WDFY2: variants seen among roughly 807,000 people sequenced by gnomAD.
WDFY2 encodes WD repeat and FYVE domain containing 2.
WDFY2 carries 36 observed loss-of-function variants against 56.4 expected under a neutral mutation model. That is an observed-to-expected ratio of 0.64 (90% CI 0.49 to 0.84). The LOEUF (loss-of-function observed/expected upper bound fraction) is 0.84. WDFY2 is among the 40% of genes least tolerant of loss of function. The pLI is 0.00. For synonymous variants in WDFY2, 176 were observed against 183.7 expected (o/e 0.96, Z 0.34); for missense variants, 444 against 512.2 (o/e 0.87, Z 1.29).
intron 7 of WDFY2, among the ~76,000 whole-genome samples, chr13:51,743,185 TTAGC>T (rs1953013670): frequency 6.6e-6 from 1 of 152,180 alleles, no homozygotes; most frequent in Non-Finnish European, 1.5e-5. Context: ...TTCTAACTAT[TTAGC>T]TAAACACATA....
chr13:51,666,789 A>C (rs905663760), intron 2 of WDFY2, among the ~76,000 whole-genome samples: 7 of 151,850 alleles, frequency 4.6e-5, no homozygotes, highest in African/African-American at 1.7e-4. Context: ...TATTGGTTTT[A>C]TTGTATCTGC....
At chr13:51,674,406 G>A (rs989133088) in intron 2 of WDFY2, among the ~76,000 whole-genome samples, 1 of 152,170 alleles carries the variant, frequency 6.6e-6, no homozygotes, top group Non-Finnish European at 1.5e-5. Flanking sequence ...TGACTGTTTA[G>A]TAAGCACTTG....
chr13:51,751,845 T>G (rs1953244975), intron 8 of WDFY2, among the ~76,000 whole-genome samples: 1 of 152,246 alleles, frequency 6.6e-6, no homozygotes, highest in South Asian at 2.1e-4. Context: ...TATTTTGTAC[T>G]TTATAAGTCA....
intron 7 of WDFY2, among the ~76,000 whole-genome samples, chr13:51,746,554 T>C (rs1271142193): frequency 6.6e-6 from 1 of 152,228 alleles, no homozygotes; most frequent in Non-Finnish European, 1.5e-5. Flanking sequence ...TAAAGTTGAT[T>C]TGCCCAGTTA....
chr13:51,634,463 C>A (rs1438416035), intron 1 of WDFY2, among the ~76,000 whole-genome samples: 2 of 151,990 alleles, frequency 1.3e-5, no homozygotes, highest in African/African-American at 4.8e-5. Flanking sequence ...ATCATGAATC[C>A]AGGTAAGAGT....
intron 1 of WDFY2, among the ~76,000 whole-genome samples, chr13:51,611,374 A>G (rs540939681): frequency 3.3e-5 from 5 of 152,290 alleles, no homozygotes; most frequent in South Asian, 4.1e-4. Flanking sequence ...ATAGTTTGCT[A>G]TTTTGTGATT....
chr13:51,727,615 G>A, intron 5 of WDFY2, 63 bp from the exon 6 acceptor site: 1 of 1,515,306 alleles, frequency 6.6e-7, no homozygotes, highest in African/African-American at 1.4e-5. Context: ...TTTATGCCCT[G>A]TTTTTTCATT....
chr13:51,717,447 C>T (rs904009287), intron 4 of WDFY2, among the ~76,000 whole-genome samples: 1 of 152,012 alleles, frequency 6.6e-6, no homozygotes, highest in East Asian at 1.9e-4. Flanking sequence ...GCCTCTGCCT[C>T]CTCTGGCACA....
At chr13:51,658,226 A>C (rs1365023136) in intron 1 of WDFY2, among the ~76,000 whole-genome samples, 1 of 152,152 alleles carries the variant, frequency 6.6e-6, no homozygotes. Flanking sequence ...GTGATCACTG[A>C]GGTCTCTGTT....
rs533125145 is a variant in WDFY2, at chr13:51,664,803, G to A, written c.205+4140G>A. 2.6e-5 allele frequency among the ~76,000 whole-genome samples: 4 copies of A among 152,314 alleles called. No individual in the cohort carries two copies. In the South Asian group the frequency reaches 6.2e-4, roughly 24 times the overall value. On this transcript the variant is annotated intron_variant, in intron 2 of 11. Transcript: ENST00000298125. The stretch of plus-strand genomic sequence containing the variant: ...TGAGTCATGGCCCTATTGGTGACAC[G>A]GTAGAGTTGAGCTTAACATAGCCTG...
chr13:51,670,179 C>G (rs1168299788), intron 2 of WDFY2, among the ~76,000 whole-genome samples: 1 of 151,932 alleles, frequency 6.6e-6, no homozygotes, highest in African/African-American at 2.4e-5. Context: ...GAGTTTTGCC[C>G]CTTTGATATT....
At chr13:51,731,358 T>C (rs1952719756) in intron 6 of WDFY2, among the ~76,000 whole-genome samples, 1 of 152,230 alleles carries the variant, frequency 6.6e-6, no homozygotes, top group Admixed American at 6.5e-5. Flanking sequence ...GGTCCCGTGT[T>C]TTGCAGGCTT....
chr13:51,703,660 G>A lies in WDFY2; in HGVS notation c.334+10G>A, dbSNP rs765650468. The A allele has an allele frequency of 1.2e-6, 2 of 1,605,284 alleles. No homozygotes were observed. Among genetic ancestry groups the A allele is most frequent in the African/African-American group, 1.3e-5 (1 of 74,596 alleles). On this transcript the variant is annotated intron_variant, in intron 4 of 11. Coordinates refer to ENST00000298125, the MANE Select transcript of WDFY2 (RefSeq NM_052950.4). ...GTGAAAAACTATCAAGGTAGGGAGT[G>A]AGAGGAGTACCTTCATTACCCAGAT...
chr13:51,696,837 A>G (rs957144785), intron 3 of WDFY2, among the ~76,000 whole-genome samples: 1 of 152,244 alleles, frequency 6.6e-6, no homozygotes, highest in Non-Finnish European at 1.5e-5. Context: ...TATTTTATTT[A>G]ACTACATAAA....
intron 1 of WDFY2, among the ~76,000 whole-genome samples, chr13:51,658,278 G>A (rs1955547144): frequency 6.6e-6 from 1 of 152,168 alleles, no homozygotes; most frequent in South Asian, 2.1e-4. Context: ...TTAAATGCCT[G>A]CGTCCGATAA....
intron 5 of WDFY2, among the ~76,000 whole-genome samples, chr13:51,724,361 C>A (rs767516129): frequency 6.6e-6 from 1 of 151,480 alleles, no homozygotes; most frequent in South Asian, 2.1e-4. Context: ...CCTCAGCCTC[C>A]CGGGTAGCTG....
intron 1 of WDFY2, chr13:51,588,370 A>C (rs1034197014): frequency 7.2e-5 from 11 of 152,368 alleles, no homozygotes; most frequent in African/African-American, 2.4e-4. Flanking sequence ...GACCAGTCCC[A>C]TGCAGACCTT....
rs1290981446 is a variant in WDFY2 at position 51,764,961 on chromosome 13, G to A, written c.*5192G>A. 6.6e-6 allele frequency: 1 copy of A among 152,270 alleles called. No individual in the cohort carries two copies. Among genetic ancestry groups the A allele is most frequent in the Admixed American group, 6.5e-5 (1 of 15,278 alleles). The allele number at this position is 152,270 out of a possible 1,614,324, so 9.4% of individuals were successfully genotyped here. A position where few individuals can be genotyped will look rare whatever the true frequency, so the allele number is the denominator to read the frequency against. ...GCGTTGCACGGACAGGCGGTGCCGA[G>A]TGTTTGGGTGCAGACACAGGCAGCT... On this transcript the variant is annotated 3_prime_UTR_variant, in exon 12 of 12. Coordinates refer to ENST00000298125, the MANE Select transcript of WDFY2 (RefSeq NM_052950.4).
At chr13:51,655,145 TC>T (rs1292964700) in intron 1 of WDFY2, among the ~76,000 whole-genome samples, 1 of 152,202 alleles carries the variant, frequency 6.6e-6, no homozygotes, top group Admixed American at 6.5e-5. Flanking sequence ...TATGTCATCT[TC>T]CAATAGAAAT....
Sources: gnomAD v4.1 joint callset for allele counts (sites outside exome capture counted in the v4.1 genomes callset) on GRCh38, gnomAD v4.1.1 for gene constraint, MANE v1.5 for transcripts, NCBI Gene and HGNC (gene_info 2026-07-23, HGNC 2026-07-21) for gene names.